Variants in TTC29 observed in about 807,000 individuals in gnomAD.
TTC29 encodes tetratricopeptide repeat protein 29.
A neutral mutation model predicts 58.1 loss-of-function variants in TTC29; 49 were observed. That is an observed-to-expected ratio of 0.84 (90% CI 0.67 to 1.07). The LOEUF (loss-of-function observed/expected upper bound fraction) is 1.07, where lower values mean the gene tolerates loss of function less well. TTC29 is among the 50% of genes least tolerant of loss of function. The pLI, the probability that TTC29 is intolerant of heterozygous loss-of-function variation, is 0.00. For synonymous variants in TTC29, 209 were observed against 196.8 expected, an observed-to-expected ratio of 1.06 and a Z score of -0.52; for missense variants, 582 against 555.6, an observed-to-expected ratio of 1.05 and a Z score of -0.48.
At chr4:146,750,249 C>T (rs906208388) in intron 11 of TTC29, among the ~76,000 whole-genome samples, 6 of 152,116 alleles carry the variant, frequency 3.9e-5, no homozygotes, top group South Asian at 2.1e-4. Flanking sequence ...CCTTGTGATC[C>T]GCCCGCCTCG....
rs558314167 is a variant in TTC29, at chr4:146,746,208, A to C, written c.1331-38657T>G. On this transcript the variant is annotated intron_variant, in intron 11 of 12. Transcript: ENST00000325106. Reference sequence around the variant, plus strand: ...ACAGCAGTAGTCACAGCATTATTACAAACTTAAAAAAAAAGATATCAAAGG... The same window carrying C: ...ACAGCAGTAGTCACAGCATTATTACCAACTTAAAAAAAAAGATATCAAAGG... Among the ~76,000 whole-genome samples, 4 of 152,308 alleles carry C rather than the reference A, an allele frequency of 2.6e-5. 1 individual carries two copies. The South Asian group carries it at 8.3e-4, about 32-fold the overall frequency.
rs1734980325 is a variant in TTC29, at chr4:146,927,030, G to A, written c.176+10564C>T. ...GAGAATTGCTTAAACCCAGGAGGTG[G>A]AGATTGCGCCACTGCACTCCAGCCT... is the stretch of plus-strand genomic sequence containing the variant. On this transcript the variant is annotated intron_variant, in intron 4 of 12. Transcript: ENST00000325106. Among the ~76,000 whole-genome samples, 3 of 142,656 alleles carry A rather than the reference G, an allele frequency of 2.1e-5. No individual in the cohort carries two copies. The Admixed American group carries it at 2.3e-4, about 11-fold the overall frequency. 93.6% of individuals were successfully genotyped at this position (142,656 alleles called of 152,430 possible).
At chr4:146,719,969 C>G (rs1247171003) in intron 11 of TTC29, among the ~76,000 whole-genome samples, 1 of 152,060 alleles carries the variant, frequency 6.6e-6, no homozygotes, top group Non-Finnish European at 1.5e-5. Context: ...AATGCTTTCC[C>G]AGGGCTAATG....
chr4:146,927,660 T>G (rs1735031024), intron 4 of TTC29, among the ~76,000 whole-genome samples: 1 of 152,126 alleles, frequency 6.6e-6, no homozygotes, highest in South Asian at 2.1e-4. Context: ...ATAAAACACT[T>G]GTACATGACT....
intron 4 of TTC29, 99 bp downstream of exon 4, chr4:146,937,495 A>G (rs1366660200): frequency 2.6e-6 from 2 of 769,988 alleles, no homozygotes; most frequent in South Asian, 1.8e-5. Context: ...CCATGTTCCA[A>G]TGAAAAAGTA....
At chr4:146,828,231 T>C (rs1337469999) in intron 9 of TTC29, among the ~76,000 whole-genome samples, 1 of 152,078 alleles carries the variant, frequency 6.6e-6, no homozygotes, top group Non-Finnish European at 1.5e-5. Context: ...TAATGAGAGG[T>C]TCACCGATTA....
At chr4:146,862,007 C>T (rs1014558162) in intron 8 of TTC29, among the ~76,000 whole-genome samples, 3 of 151,984 alleles carry the variant, frequency 2.0e-5, no homozygotes, top group African/African-American at 4.8e-5. Context: ...AAACCTAACA[C>T]GACAAAGCTG....
At chr4:146,778,104 T>C (rs1211489070) in intron 11 of TTC29, among the ~76,000 whole-genome samples, 1 of 152,028 alleles carries the variant, frequency 6.6e-6, no homozygotes, top group East Asian at 1.9e-4. Flanking sequence ...GAGTCATTAG[T>C]TATAGTGTTT....
chr4:146,864,326 G>C (rs111898188), intron 8 of TTC29, among the ~76,000 whole-genome samples: 124 of 152,072 alleles, frequency 8.2e-4, no homozygotes, highest in African/African-American at 2.9e-3. Flanking sequence ...CTGTTACCAA[G>C]TCCTTTATAA....
intron 11 of TTC29, among the ~76,000 whole-genome samples, chr4:146,745,259 C>T (rs985991608): frequency 1.3e-5 from 2 of 152,188 alleles, no homozygotes; most frequent in South Asian, 2.1e-4. Context: ...ACAATTGAAA[C>T]TCTGGCAAAG....
intron 10 of TTC29, among the ~76,000 whole-genome samples, chr4:146,812,427 G>A (rs902929127): frequency 1.2e-4 from 18 of 152,102 alleles, no homozygotes; most frequent in African/African-American, 4.1e-4. Flanking sequence ...TGGCAACCAC[G>A]CTGAGCCAGG....
chr4:146,847,952 G>T (rs926955967), intron 8 of TTC29, among the ~76,000 whole-genome samples: 1 of 152,192 alleles, frequency 6.6e-6, no homozygotes, highest in South Asian at 2.1e-4. Context: ...GAACTTCACA[G>T]GTACTGCGTT....
chr4:146,867,948 G>T (rs571038653), intron 7 of TTC29, among the ~76,000 whole-genome samples: 9 of 152,174 alleles, frequency 5.9e-5, no homozygotes, highest in African/African-American at 1.9e-4. Flanking sequence ...AGTCCAGCAT[G>T]TAAAGGCTTA....
chr4:146,861,848 G>A (rs1730254441), intron 8 of TTC29, among the ~76,000 whole-genome samples: 3 of 151,968 alleles, frequency 2.0e-5, no homozygotes, highest in South Asian at 2.1e-4. Flanking sequence ...AATTATGAGA[G>A]GTAGAAGTTG....
chr4:146,823,484 C>A (rs377309545), intron 9 of TTC29, among the ~76,000 whole-genome samples: 2 of 152,164 alleles, frequency 1.3e-5, no homozygotes, highest in African/African-American at 4.8e-5. Context: ...GGTATGAGTA[C>A]CATGCTGTTT....
intron 11 of TTC29, among the ~76,000 whole-genome samples, chr4:146,782,067 AAAC>A (rs1156400903): frequency 6.6e-6 from 1 of 151,962 alleles, no homozygotes; most frequent in Non-Finnish European, 1.5e-5. Flanking sequence ...TAGCCAATGA[AAAC>A]ATGGCATTTT....
At chr4:146,820,099 T>C (rs1356593157) in intron 10 of TTC29, 26 bp downstream of exon 10, 4 of 1,609,414 alleles carry the variant, frequency 2.5e-6, no homozygotes. Flanking sequence ...CAAATTTCTC[T>C]ATAAACAAGA....
intron 11 of TTC29, among the ~76,000 whole-genome samples, chr4:146,715,047 A>G (rs889051240): frequency 1.3e-5 from 2 of 151,022 alleles, no homozygotes; most frequent in African/African-American, 4.9e-5. Context: ...TTCATTGCCT[A>G]CTCTGCTCTT....
intron 4 of TTC29, among the ~76,000 whole-genome samples, chr4:146,917,307 C>A (rs17022111): frequency 0.076 from 11,304 of 149,184 alleles, 1,440 homozygotes; most frequent in African/African-American, 0.26. Flanking sequence ...ATAATGAACA[C>A]AATACAATCA....
Sources: gnomAD v4.1 joint callset for allele counts (sites outside exome capture counted in the v4.1 genomes callset) on GRCh38, gnomAD v4.1.1 for gene constraint, MANE v1.5 for transcripts, NCBI Gene and HGNC (gene_info 2026-07-23, HGNC 2026-07-21) for gene names.